RBFOX1: variants seen among roughly 807,000 people sequenced by gnomAD.
RBFOX1 encodes the protein RNA binding fox-1 homolog 1.
In RBFOX1, 8 loss-of-function variants were observed where a neutral mutation model predicts 57.7. That is an observed-to-expected ratio of 0.14 (90% CI 0.08 to 0.25). The LOEUF (loss-of-function observed/expected upper bound fraction) is 0.25, where lower values mean the gene tolerates loss of function less well. Ranked by LOEUF, RBFOX1 falls within the 10% of genes least tolerant of loss-of-function variation. RBFOX1 has a pLI of 1.00. For missense variants in RBFOX1, 611 were observed against 548.5 expected, an observed-to-expected ratio of 1.11 and a Z score of -1.14; for synonymous variants, 326 against 222.4, an observed-to-expected ratio of 1.47 and a Z score of -4.15.
intron 1 of RBFOX1, among the ~76,000 whole-genome samples, chr16:5,247,050 C>G (rs557493009): frequency 5.3e-5 from 8 of 152,178 alleles, no homozygotes; most frequent in South Asian, 4.1e-4. Flanking sequence ...TTTCACTTAA[C>G]GTAATATCCT....
At chr16:7,199,183 AT>A (rs1267398856) in intron 4 of RBFOX1, among the ~76,000 whole-genome samples, 1 of 152,172 alleles carries the variant, frequency 6.6e-6, no homozygotes, top group African/African-American at 2.4e-5. Flanking sequence ...ATGGCAATGC[AT>A]TTTTAACTGC....
chr16:5,983,119 A>G lies in RBFOX1; in HGVS notation c.351+115784A>G, dbSNP rs146356965. ...TCTCACCTGCATCTCCGTCTCTCCA[A>G]TTAACTCCCTGCATTCTCCCAGCTC... On this transcript the variant is annotated intron_variant, in intron 4 of 19. Transcript: ENST00000641259. Among the ~76,000 whole-genome samples the G allele has an allele frequency of 4.0e-3, 610 of 152,216 alleles. 3 individuals are homozygous for G. Among genetic ancestry groups the G allele is most frequent in the African/African-American group, 0.014 (580 of 41,530 alleles).
intron 2 of RBFOX1, among the ~76,000 whole-genome samples, chr16:5,534,696 C>T (rs529858225): frequency 6.6e-6 from 1 of 152,268 alleles, no homozygotes; most frequent in South Asian, 2.1e-4. Flanking sequence ...CTTTCCCAGT[C>T]CACTGACTCA....
At chr16:7,139,823 C>G (rs940316496) in intron 4 of RBFOX1, among the ~76,000 whole-genome samples, 2 of 151,780 alleles carry the variant, frequency 1.3e-5, no homozygotes, top group Non-Finnish European at 2.9e-5. Context: ...GGACAGAAGA[C>G]AAGCATTCAT....
intron 3 of RBFOX1, among the ~76,000 whole-genome samples, chr16:6,914,984 C>T (rs574424530): frequency 9.8e-5 from 15 of 152,338 alleles, no homozygotes; most frequent in South Asian, 6.2e-4. Flanking sequence ...ATTATTACAG[C>T]ACTATTGCCA....
chr16:5,478,963 A>G (rs144212776), intron 2 of RBFOX1, among the ~76,000 whole-genome samples: 5 of 152,306 alleles, frequency 3.3e-5, no homozygotes, highest in African/African-American at 1.2e-4. Context: ...GCACCAGATT[A>G]TAACTTGTGG....
At chr16:7,526,432 A>C (rs938464006) in intron 5 of RBFOX1, among the ~76,000 whole-genome samples, 42 of 152,240 alleles carry the variant, frequency 2.8e-4, no homozygotes, top group African/African-American at 9.9e-4. Context: ...GAAGGAGCTC[A>C]AGCTGACCAT....
intron 3 of RBFOX1, among the ~76,000 whole-genome samples, chr16:6,716,306 C>T (rs1038696652): frequency 2.1e-4 from 32 of 152,168 alleles, no homozygotes; most frequent in Admixed American, 7.2e-4. Flanking sequence ...AACTTCCGAT[C>T]CCTTCTGTGG....
At chr16:5,721,611 A>C (rs1040109340) in intron 3 of RBFOX1, among the ~76,000 whole-genome samples, 1 of 152,162 alleles carries the variant, frequency 6.6e-6, no homozygotes, top group African/African-American at 2.4e-5. Flanking sequence ...GTTTTCATAG[A>C]TTCCCTTTAT....
At chr16:6,594,472 A>C (rs2153994401) in intron 2 of RBFOX1, among the ~76,000 whole-genome samples, 1 of 152,310 alleles carries the variant, frequency 6.6e-6, no homozygotes, top group African/African-American at 2.4e-5. Context: ...TAAATGCCCC[A>C]GGTGAAGAGG....
intron 4 of RBFOX1, among the ~76,000 whole-genome samples, chr16:7,224,928 C>G (rs143296615): frequency 6.6e-6 from 1 of 152,128 alleles, no homozygotes; most frequent in Admixed American, 6.5e-5. Flanking sequence ...CTGTCCTAGT[C>G]ACAGTGATGA....
intron 14 of RBFOX1, among the ~76,000 whole-genome samples, chr16:7,696,892 C>T (rs2078970700): frequency 6.6e-6 from 1 of 151,932 alleles, no homozygotes; most frequent in South Asian, 2.1e-4. Flanking sequence ...GTGCAGAGAC[C>T]CTGTGGTTGA....
At chr16:7,468,945 T>A (rs143487667) in intron 4 of RBFOX1, among the ~76,000 whole-genome samples, 3,056 of 152,100 alleles carry the variant, frequency 0.02, 52 homozygotes, top group Middle Eastern at 0.048. Flanking sequence ...AGTAATTTTT[T>A]TTTTTTGAGG....
At position 6,895,646 on chromosome 16, in the gene RBFOX1, GC is replaced by G. The variant is rs933121008; in HGVS notation, c.-15-156409del. Among the ~76,000 whole-genome samples the G allele has an allele frequency of 3.8e-4, 57 of 151,590 alleles. 1 individual carries two copies. Among genetic ancestry groups the G allele is most frequent in the African/African-American group, 1.3e-3 (55 of 41,346 alleles). On this transcript the variant is annotated intron_variant, in intron 3 of 15. Coordinates refer to ENST00000550418, the MANE Select transcript of RBFOX1 (RefSeq NM_018723.4). ...TGGAGAGTCATAGATCCTTGACAAT[GC>G]CAATGTTTTGTGGAAAGGAGGCAAA...
In RBFOX1 at chr16:7,469,673, A is replaced by T. The variant is rs189370389; in HGVS notation, c.28-48474A>T. 1.3e-4 allele frequency among the ~76,000 whole-genome samples: 20 copies of T among 152,314 alleles called. No individual in the cohort carries two copies. The East Asian group carries it at 3.7e-3, about 28-fold the overall frequency. On this transcript the variant is annotated intron_variant, in intron 4 of 15. Transcript: ENST00000550418. ...ACATCATTATGGTACATTTGTCACA[A>T]TGAATAAACCACATTGAACATGGAA...
chr16:5,599,167 T>C (rs981631404), exon 3 of RBFOX1: 1 of 707,070 alleles, frequency 1.4e-6, no homozygotes, highest in African/African-American at 1.7e-5. Context: ...CAGCCTCTGG[T>C]ACATGGTGTG....
intron 14 of RBFOX1, among the ~76,000 whole-genome samples, chr16:7,707,363 C>T (rs8057369): frequency 6.6e-6 from 1 of 151,998 alleles, no homozygotes; most frequent in Non-Finnish European, 1.5e-5. Flanking sequence ...CACTTATCTA[C>T]CAACCATGAG....
chr16:6,132,146 C>T (rs1567528519), intron 1 of RBFOX1, among the ~76,000 whole-genome samples: 1 of 152,178 alleles, frequency 6.6e-6, no homozygotes, highest in Non-Finnish European at 1.5e-5. Flanking sequence ...TGTCTGACTG[C>T]CCTGGAACCT....
intron 1 of RBFOX1, among the ~76,000 whole-genome samples, chr16:6,024,862 C>G (rs1271654783): frequency 6.6e-6 from 1 of 152,212 alleles, no homozygotes; most frequent in Non-Finnish European, 1.5e-5. Flanking sequence ...GAAAGCACTT[C>G]AAGTGCAGAG....
Sources: allele counts gnomAD v4.1 joint callset (sites outside exome capture counted in the v4.1 genomes callset), GRCh38; gene constraint gnomAD v4.1.1; transcripts MANE v1.5; gene names NCBI Gene and HGNC (gene_info 2026-07-23, HGNC 2026-07-21).